The following RICTOR variants were observed in gnomAD, a reference collection of about 807,000 sequenced individuals.
RICTOR encodes the protein rapamycin-insensitive companion of mTOR.
Under a neutral mutation model 214.9 loss-of-function variants are expected in RICTOR, and 49 were observed. That is an observed-to-expected ratio of 0.23 (90% CI 0.18 to 0.29). RICTOR has a LOEUF of 0.29. Ranked by LOEUF, RICTOR falls within the 10% of genes least tolerant of loss-of-function variation. The probability of loss-of-function intolerance (pLI) is 1.00; values close to 1 mark genes in which losing one functional copy is unlikely to be tolerated. For synonymous variants in RICTOR, 717 were observed against 711.3 expected, an observed-to-expected ratio of 1.01 and a Z score of -0.13; for missense variants, 1,625 against 2,047.0, an observed-to-expected ratio of 0.79 and a Z score of 3.98.
chr5:39,034,738 C>A (rs948355643), intron 2 of RICTOR, among the ~76,000 whole-genome samples: 4 of 152,230 alleles, frequency 2.6e-5, no homozygotes, highest in African/African-American at 9.6e-5. Flanking sequence ...AGTCTGAGAT[C>A]AAACTGCAAG....
chr5:39,044,101 C>A (rs1757335547), intron 2 of RICTOR, among the ~76,000 whole-genome samples: 1 of 151,892 alleles, frequency 6.6e-6, no homozygotes, highest in South Asian at 2.1e-4. Context: ...GACACTGTAC[C>A]CTATAAATAT....
chr5:39,074,244 G>C (rs1759551329), intron 1 of RICTOR, 85 bp downstream of exon 1: 1 of 1,577,124 alleles, frequency 6.3e-7, no homozygotes, highest in Non-Finnish European at 8.6e-7. Context: ...GCCCCGGCTC[G>C]CTCCCCAACC....
Position 38,944,991 on chromosome 5 carries a change from A to G in RICTOR, c.4711T>C (p.Ser1571Pro). 1 of 1,613,716 alleles carries G rather than the reference A, an allele frequency of 6.2e-7. No individual in the cohort carries two copies. Among genetic ancestry groups the G allele is most frequent in the East Asian group, 2.2e-5 (1 of 44,872 alleles). The change falls in exon 35 of 38, where the codon TCG becomes CCG. Residue 1571 changes from serine to proline, a missense_variant. Coordinates refer to ENST00000357387, the MANE Select transcript of RICTOR (RefSeq NM_152756.5). ...CCATCACTGCATCCAGAAATCCCCG[A>G]AAACTTAGAGGGAACCACTTCTAAA... is the stretch of plus-strand genomic sequence containing the variant. ...NPLEVVPSKF[S>P]GISGCSDGVS...
In RICTOR at chr5:39,056,316, C is replaced by G. The variant is rs538959639; in HGVS notation, c.97+17795G>C. 2.6e-5 allele frequency among the ~76,000 whole-genome samples: 4 copies of G among 152,192 alleles called. No homozygotes were observed. The South Asian group carries it at 8.3e-4, about 32-fold the overall frequency. On this transcript the variant is annotated intron_variant, in intron 2 of 37. Transcript: ENST00000357387. ...AGACAAGAAATATATACCGTAATAT[C>G]AGTAGTGACAAGGGCTATGAAAGAA...
rs546843119 is a variant in RICTOR, at chr5:39,001,326, C to T, written c.392+1209G>A. On this transcript the variant is annotated intron_variant, in intron 5 of 37. Coordinates refer to ENST00000357387, the MANE Select transcript of RICTOR (RefSeq NM_152756.5). ...ACAACAAAGGTGACACAAATCTAGA[C>T]GTGAAACGAAAATATTTTCAATAAA... Among the ~76,000 whole-genome samples, 6 of 152,036 alleles carry T rather than the reference C, an allele frequency of 3.9e-5. No homozygotes were observed. In the South Asian group the frequency reaches 8.3e-4, roughly 21 times the overall value.
At position 38,947,456 on chromosome 5, in the gene RICTOR, A is replaced by G. The variant is rs1748334569; in HGVS notation, c.4137-15T>C. 1 of 1,570,442 alleles carries G rather than the reference A, an allele frequency of 6.4e-7. No individual in the cohort carries two copies. Among genetic ancestry groups the G allele is most frequent in the Non-Finnish European group, 8.7e-7 (1 of 1,145,016 alleles). On this transcript the variant is annotated splice_polypyrimidine_tract_variant and intron_variant, in intron 31 of 37. Transcript: ENST00000357387. ...CTTTCATGAACCTATAAAACCATAA[A>G]GAAACCACTTGCATTAGTTTCTTGA...
intron 11 of RICTOR, among the ~76,000 whole-genome samples, chr5:38,968,345 A>G (rs1750408361): frequency 6.6e-6 from 1 of 152,136 alleles, no homozygotes; most frequent in African/African-American, 2.4e-5. Flanking sequence ...GTTTAAAAGC[A>G]TTATATATGG....
intron 3 of RICTOR, among the ~76,000 whole-genome samples, chr5:39,010,489 G>C (rs890266239): frequency 6.6e-6 from 1 of 152,210 alleles, no homozygotes; most frequent in African/African-American, 2.4e-5. Flanking sequence ...GTAACAGGCA[G>C]AGGCTGGAAC....
Position 38,946,837 on chromosome 5 carries a change from C to G in RICTOR, c.4315-285G>C, listed in dbSNP as rs868416135. 2.0e-5 allele frequency among the ~76,000 whole-genome samples: 3 copies of G among 152,116 alleles called. No individual in the cohort carries two copies. In the South Asian group the frequency reaches 6.2e-4, roughly 31 times the overall value. ...TTAGTACTATATACCATCTAGAGAT[C>G]TGTGGGTATCTCCTGGGATTAGGGT... On this transcript the variant is annotated intron_variant, in intron 32 of 37. Transcript: ENST00000357387.
At chr5:39,028,402 T>C (rs1427959196) in intron 2 of RICTOR, among the ~76,000 whole-genome samples, 7 of 151,914 alleles carry the variant, frequency 4.6e-5, no homozygotes, top group Non-Finnish European at 1.0e-4. Context: ...CGGGATGGTC[T>C]CGATCTCCTG....
chr5:39,016,301 C>T (rs1005517948), intron 3 of RICTOR, among the ~76,000 whole-genome samples: 9 of 138,540 alleles, frequency 6.5e-5, no homozygotes, highest in South Asian at 2.2e-4. Flanking sequence ...AGTGGTACAA[C>T]GGAGAAAAGG....
chr5:39,069,515 T>C (rs1759155000), intron 2 of RICTOR, among the ~76,000 whole-genome samples: 1 of 152,208 alleles, frequency 6.6e-6, no homozygotes, highest in African/African-American at 2.4e-5. Context: ...ATTCTTTGAA[T>C]CAGGGTAAAG....
Position 38,967,330 on chromosome 5 carries a change from A to T in RICTOR, c.1151+7T>A. ...TAAATTGAAACCCTTTTTATTTTAA[A>T]TTCTACCTGGATCTGGCACGATGAG... On this transcript the variant is annotated splice_region_variant and intron_variant, in intron 13 of 37. Transcript: ENST00000357387. The T allele has an allele frequency of 1.2e-6, 2 of 1,610,852 alleles. No individual in the cohort carries two copies. Among genetic ancestry groups the T allele is most frequent in the Non-Finnish European group, 1.7e-6 (2 of 1,177,992 alleles).
In RICTOR at chr5:38,942,200, AC is replaced by A. The variant is rs1326716365; in HGVS notation, c.*103del. 2 of 631,680 alleles carry A rather than the reference AC, an allele frequency of 3.2e-6. No individual in the cohort carries two copies. Among genetic ancestry groups the A allele is most frequent in the Non-Finnish European group, 5.7e-6 (2 of 352,972 alleles). 39.1% of individuals were successfully genotyped at this position (631,680 alleles called of 1,614,324 possible). On this transcript the variant is annotated 3_prime_UTR_variant, in exon 38 of 38. Transcript: ENST00000357387. ...AACTGCGGAACAGTGTACAGAAGAT[AC>A]TCCTGTCTTTGCTGCCTAGTCAGTC... is the stretch of plus-strand genomic sequence containing the variant.
In RICTOR at chr5:38,973,845, A is replaced by G. The variant is rs182865391; in HGVS notation, c.889+1692T>C. On this transcript the variant is annotated intron_variant, in intron 10 of 37. Coordinates refer to ENST00000357387, the MANE Select transcript of RICTOR (RefSeq NM_152756.5). The stretch of plus-strand genomic sequence containing the variant: ...ATGTGTTCTAAAAGATCATTTTTCA[A>G]TCAGTTATTTGGAACTGGAAATACA... Among the ~76,000 whole-genome samples, 128 of 152,326 alleles carry G rather than the reference A, an allele frequency of 8.4e-4. 1 individual carries two copies. The highest frequency in any genetic ancestry group is 2.9e-3 in the African/African-American group (120 of 41,574).
chr5:38,942,270 A>G lies in RICTOR; in HGVS notation c.*34T>C, dbSNP rs761230742. 2 of 1,255,290 alleles carry G rather than the reference A, an allele frequency of 1.6e-6. No individual in the cohort carries two copies. Among genetic ancestry groups the G allele is most frequent in the South Asian group, 1.4e-5 (1 of 70,930 alleles). 77.8% of individuals were successfully genotyped at this position (1,255,290 alleles called of 1,614,324 possible). On this transcript the variant is annotated 3_prime_UTR_variant, in exon 38 of 38. Coordinates refer to ENST00000357387, the MANE Select transcript of RICTOR (RefSeq NM_152756.5). ...AGGAAATCCACAAATATGAATATAT[A>G]TAGTATGTATCTATATCCATCATAA...
In RICTOR at chr5:38,938,036, A is replaced by G. The variant is rs1747158313; in HGVS notation, c.*4268T>C. On this transcript the variant is annotated 3_prime_UTR_variant, in exon 38 of 38. Transcript: ENST00000357387. ...CACATTATACAAAAACAAGAAAATC[A>G]CAACAAAAAAAATCAAGGTGAGCAA... 3.9e-5 allele frequency: 8 copies of G among 203,154 alleles called. No homozygotes were observed. In the South Asian group the frequency reaches 1.3e-3, roughly 34 times the overall value. The allele number at this position is 203,154 out of a possible 1,614,324, so 12.6% of individuals were successfully genotyped here.
At chr5:39,046,810 A>G (rs900830163) in intron 2 of RICTOR, among the ~76,000 whole-genome samples, 5 of 152,110 alleles carry the variant, frequency 3.3e-5, no homozygotes, top group African/African-American at 9.6e-5. Flanking sequence ...GTTGCCAGGG[A>G]AAAAAAATGT....
chr5:38,990,699 TATCAG>T (rs1752626020), intron 7 of RICTOR, among the ~76,000 whole-genome samples: 1 of 127,260 alleles, frequency 7.9e-6, no homozygotes, highest in East Asian at 2.3e-4. Flanking sequence ...ATATGATATA[TATCAG>T]ATATGATATA....
Sources: gnomAD v4.1 joint callset for allele counts (sites outside exome capture counted in the v4.1 genomes callset) on GRCh38, gnomAD v4.1.1 for gene constraint, MANE v1.5 for transcripts, NCBI Gene and HGNC (gene_info 2026-07-23, HGNC 2026-07-21) for gene names.